ZC3H14: variants seen among roughly 807,000 people sequenced by gnomAD.
The protein encoded by ZC3H14 is zinc finger CCCH domain-containing protein 14.
A neutral mutation model predicts 92.4 loss-of-function variants in ZC3H14; 31 were observed. The ratio of observed to expected loss-of-function variants is 0.34; its 90% CI spans 0.25 to 0.45. ZC3H14 has a LOEUF of 0.45. Among genes scored for constraint, ZC3H14 ranks in the 20% least tolerant of loss-of-function variants. The probability of loss-of-function intolerance (pLI) is 1.00; values close to 1 mark genes in which losing one functional copy is unlikely to be tolerated. For synonymous variants in ZC3H14, 321 were observed against 300.9 expected (o/e 1.07, Z -0.69); for missense variants, 781 against 897.3 (o/e 0.87, Z 1.66).
rs2084877227 is a variant in ZC3H14, at chr14:88,603,080, T to A, written c.1747+20T>A. On this transcript the variant is annotated intron_variant, in intron 12 of 16. Coordinates refer to ENST00000251038, the MANE Select transcript of ZC3H14 (RefSeq NM_024824.5). ...CTAACGGTGTGTTGAGAGCTCAGAT[T>A]TTCAGGGTGCTGTCATTGTGAAGGG... 2.5e-6 allele frequency: 4 copies of A among 1,609,096 alleles called. No homozygotes were observed. Among genetic ancestry groups the A allele is most frequent in the East Asian group, 2.2e-5 (1 of 44,842 alleles).
chr14:88,566,504 T>G (rs1443479282), intron 2 of ZC3H14, among the ~76,000 whole-genome samples: 2 of 152,222 alleles, frequency 1.3e-5, no homozygotes, highest in Admixed American at 6.5e-5. Flanking sequence ...AACCAAGATT[T>G]ATTTATTCTT....
Position 88,622,509 on chromosome 14 carries a change from A to T in ZC3H14, c.*10758A>T. 2 of 967,336 alleles carry T rather than the reference A, an allele frequency of 2.1e-6. No homozygotes were observed. Among genetic ancestry groups the T allele is most frequent in the Non-Finnish European group, 2.9e-6 (2 of 680,688 alleles). 59.9% of individuals were successfully genotyped at this position (967,336 alleles called of 1,614,324 possible). On this transcript the variant is annotated 3_prime_UTR_variant, in exon 17 of 17. Transcript: ENST00000251038. ...AGCAAATCCATCGTTATGCATTATT[A>T]AGTATTGTTCATTAGGCTGCAAAGG... is the stretch of plus-strand genomic sequence containing the variant.
chr14:88,568,169 T>A lies in ZC3H14; in HGVS notation c.194+16T>A, dbSNP rs1436673041. 3.7e-6 allele frequency: 6 copies of A among 1,610,836 alleles called. No individual in the cohort carries two copies. In the South Asian group the frequency reaches 6.6e-5, roughly 18 times the overall value. On this transcript the variant is annotated intron_variant, in intron 3 of 16. Transcript: ENST00000251038. Reference sequence around the variant, plus strand: ...TCACCGTATGGTATGTTTCTGAATTTTTGTGCCTCAGACCAAAGTTTGGCA... The same window carrying A: ...TCACCGTATGGTATGTTTCTGAATTATTGTGCCTCAGACCAAAGTTTGGCA...
chr14:88,583,968 A>G (rs76897734), intron 9 of ZC3H14, among the ~76,000 whole-genome samples: 7,659 of 152,196 alleles, frequency 0.05, 280 homozygotes, highest in Non-Finnish European at 0.073. Flanking sequence ...TTTTTGCTTT[A>G]TTTTTAGGCT....
chr14:88,575,802 T>C (rs573917813), intron 7 of ZC3H14, 38 bp from the exon 8 acceptor site: 3 of 1,562,350 alleles, frequency 1.9e-6, no homozygotes, highest in African/African-American at 2.7e-5. Flanking sequence ...GAACTGAAAT[T>C]TAAAGTTTAA....
intron 3 of ZC3H14, among the ~76,000 whole-genome samples, chr14:88,569,944 C>G (rs2080179430): frequency 6.6e-6 from 1 of 152,108 alleles, no homozygotes; most frequent in African/African-American, 2.4e-5. Context: ...TTATTCCCTC[C>G]CAGCCCCCCA....
chr14:88,577,926 G>A (rs959208374), intron 8 of ZC3H14, 59 bp from the exon 9 acceptor site: 1 of 1,597,896 alleles, frequency 6.3e-7, no homozygotes, highest in Non-Finnish European at 8.6e-7. Context: ...CATAGTCACT[G>A]TGGAGTTTTG....
At position 88,563,064 on chromosome 14, in the gene ZC3H14, T is replaced by C. The variant is rs1453088131; in HGVS notation, c.-70T>C. The C allele has an allele frequency of 7.2e-6, 11 of 1,533,262 alleles. No homozygotes were observed. The highest frequency in any genetic ancestry group is 1.4e-5 in the African/African-American group (1 of 71,710). The allele number at this position is 1,533,262 out of a possible 1,614,324, so 95.0% of individuals were successfully genotyped here. A position where few individuals can be genotyped will look rare whatever the true frequency, so the allele number is the denominator to read the frequency against. On this transcript the variant is annotated 5_prime_UTR_variant, in exon 1 of 17. Coordinates refer to ENST00000251038, the MANE Select transcript of ZC3H14 (RefSeq NM_024824.5). ...AGGCGGTGGTGTCCCGGCTGCGGGG[T>C]AGGAGTCCGCGGCAGCCTCCGGGTA...
At chr14:88,573,486 T>C (rs1026702495) in intron 6 of ZC3H14, among the ~76,000 whole-genome samples, 2 of 152,106 alleles carry the variant, frequency 1.3e-5, no homozygotes, top group Non-Finnish European at 2.9e-5. Context: ...CAGGCTGGAG[T>C]GTGATGGCGC....
Position 88,627,124 on chromosome 14 carries a change from A to G in ZC3H14, c.*15373A>G, listed in dbSNP as rs2090033725. 1 of 1,458,824 alleles carries G rather than the reference A, an allele frequency of 6.9e-7. No individual in the cohort carries two copies. The highest frequency in any genetic ancestry group is 1.4e-5 in the African/African-American group (1 of 71,810). The allele number at this position is 1,458,824 out of a possible 1,614,324, so 90.4% of individuals were successfully genotyped here. A position where few individuals can be genotyped will look rare whatever the true frequency, so the allele number is the denominator to read the frequency against. On this transcript the variant is annotated 3_prime_UTR_variant, in exon 17 of 17. Coordinates refer to ENST00000251038, the MANE Select transcript of ZC3H14 (RefSeq NM_024824.5). ...ACAGCATCAAACAAATATGTAAAAT[A>G]CATAGTTCAAAAAACAAAGGCTTAG... is the stretch of plus-strand genomic sequence containing the variant.
chr14:88,617,150 CTTTT>C lies in ZC3H14; in HGVS notation c.*5409_*5412del, dbSNP rs1358683137. ...ATGAAAACTGATAGAACTATTTTTT[CTTTT>C]TTTTTTTTTGAGACGGAGTTTTCGC... On this transcript the variant is annotated 3_prime_UTR_variant, in exon 17 of 17. Coordinates refer to ENST00000251038, the MANE Select transcript of ZC3H14 (RefSeq NM_024824.5). 2.7e-5 allele frequency: 5 copies of C among 185,044 alleles called. No individual in the cohort carries two copies. In the South Asian group the frequency reaches 7.5e-4, roughly 28 times the overall value. 11.5% of individuals were successfully genotyped at this position (185,044 alleles called of 1,614,324 possible).
chr14:88,594,596 C>T (rs1191297446), intron 9 of ZC3H14: 44 of 1,557,094 alleles, frequency 2.8e-5, no homozygotes, highest in Middle Eastern at 1.9e-4. Context: ...GCTCTTAATA[C>T]GTCTTAAGGT....
At position 88,563,704 on chromosome 14, in the gene ZC3H14, T is replaced by TC. The variant is rs1189086827; in HGVS notation, c.79+11_79+12insC. ...TAGGAGCTTATGTTGGTAAGTGTTT[T>TC]TTTGGTTGTTAGTCTTACAGAATTT... On this transcript the variant is annotated intron_variant, in intron 2 of 16. Transcript: ENST00000251038. 2.5e-6 allele frequency: 4 copies of TC among 1,613,060 alleles called. No homozygotes were observed. The highest frequency in any genetic ancestry group is 2.5e-6 in the Non-Finnish European group (3 of 1,179,100).
At chr14:88,594,551 C>A in intron 9 of ZC3H14, 1 of 1,450,110 alleles carries the variant, frequency 6.9e-7, no homozygotes, top group Admixed American at 2.6e-5. Flanking sequence ...ATGTACAACC[C>A]CATCTTTTGA....
chr14:88,610,721 C>A, intron 15 of ZC3H14, 113 bp from the exon 16 acceptor site: 1 of 1,021,368 alleles, frequency 9.8e-7, no homozygotes, highest in Admixed American at 2.0e-5. Context: ...AGAGGTCATG[C>A]CACTTCACTC....
At chr14:88,567,738 T>C in intron 2 of ZC3H14, 1 of 385,310 alleles carries the variant, frequency 2.6e-6, no homozygotes, top group Admixed American at 3.7e-5. Flanking sequence ...TAAGCTTCTT[T>C]GAAATTAATA....
intron 9 of ZC3H14, chr14:88,594,920 C>A (rs761819397): frequency 1.2e-6 from 2 of 1,613,832 alleles, no homozygotes; most frequent in Admixed American, 3.3e-5. Flanking sequence ...ACAGTGGAAG[C>A]AAATCTTTTT....
rs1481020869 is a variant in ZC3H14, at chr14:88,623,428, T to C, written c.*11677T>C. ...AATGCTATGCTACAGAGTTGATTTA[T>C]TTATTTTTTTGAGACAGAGTGTCGC... On this transcript the variant is annotated 3_prime_UTR_variant, in exon 17 of 17. Coordinates refer to ENST00000251038, the MANE Select transcript of ZC3H14 (RefSeq NM_024824.5). The C allele has an allele frequency of 6.6e-6, 1 of 152,082 alleles. No individual in the cohort carries two copies. Among genetic ancestry groups the C allele is most frequent in the Non-Finnish European group, 1.5e-5 (1 of 68,028 alleles). The allele number at this position is 152,082 out of a possible 1,614,324, so 9.4% of individuals were successfully genotyped here. A position where few individuals can be genotyped will look rare whatever the true frequency, so the allele number is the denominator to read the frequency against.
intron 16 of ZC3H14, among the ~76,000 whole-genome samples, chr14:88,611,330 C>A (rs368906097): frequency 2.0e-5 from 3 of 152,036 alleles, no homozygotes; most frequent in Non-Finnish European, 4.4e-5. Flanking sequence ...TGAGCTGAAG[C>A]GATATCCTTC....
Sources: allele counts gnomAD v4.1 joint callset (sites outside exome capture counted in the v4.1 genomes callset), GRCh38; gene constraint gnomAD v4.1.1; transcripts MANE v1.5; gene names NCBI Gene and HGNC (gene_info 2026-07-23, HGNC 2026-07-21).